ULK4: variants seen among roughly 807,000 people sequenced by gnomAD.
ULK4 encodes the protein inactive serine/threonine-protein kinase ULK4.
Under a neutral mutation model 160.6 loss-of-function variants are expected in ULK4, and 133 were observed. That is an observed-to-expected ratio of 0.83 (90% CI 0.72 to 0.96). The LOEUF is 0.96. Among genes scored for constraint, ULK4 ranks in the 40% least tolerant of loss-of-function variants. The pLI, the probability that ULK4 is intolerant of heterozygous loss-of-function variation, is 0.00. For missense variants in ULK4, 1,580 were observed against 1,499.5 expected (o/e 1.05, Z -0.89); for synonymous variants, 534 against 539.8 (o/e 0.99, Z 0.15).
rs149274905 is a variant in ULK4, at chr3:41,908,970, G to A, written c.1086-1029C>T. On this transcript the variant is annotated intron_variant, in intron 11 of 36. Transcript: ENST00000301831. ...TAGCCAGGCATGGTAGCAGGCACCTGTAATCCCAGCTACTTGGGAGGCTGA... is the reference window on the plus strand; with the variant it reads ...TAGCCAGGCATGGTAGCAGGCACCTATAATCCCAGCTACTTGGGAGGCTGA... Among the ~76,000 whole-genome samples the A allele has an allele frequency of 2.0e-5, 3 of 151,476 alleles. No homozygotes were observed. In the East Asian group the frequency reaches 5.9e-4, roughly 30 times the overall value.
intron 30 of ULK4, among the ~76,000 whole-genome samples, chr3:41,638,052 T>C (rs2034029470): frequency 6.6e-6 from 1 of 152,192 alleles, no homozygotes; most frequent in African/African-American, 2.4e-5. Flanking sequence ...ATCCCATTTG[T>C]CCATTTTTGC....
chr3:41,955,421 TGCC>T (rs147576554), intron 1 of ULK4: 3 of 152,428 alleles, frequency 2.0e-5, no homozygotes, highest in African/African-American at 7.2e-5. Flanking sequence ...CTTCAGCCGC[TGCC>T]GCCATTGGAG....
At chr3:41,304,494 T>A (rs2079865204) in intron 35 of ULK4, among the ~76,000 whole-genome samples, 1 of 152,158 alleles carries the variant, frequency 6.6e-6, no homozygotes, top group East Asian at 1.9e-4. Context: ...AAAACATTGA[T>A]AAGTGTAACA....
chr3:41,766,918 C>T (rs1239100201), intron 21 of ULK4: 1 of 152,150 alleles, frequency 6.6e-6, no homozygotes, highest in African/African-American at 2.4e-5. Context: ...GCCCTCACAT[C>T]CCTTAATGGT....
intron 31 of ULK4, among the ~76,000 whole-genome samples, chr3:41,580,763 A>G (rs1240516219): frequency 6.6e-6 from 1 of 152,216 alleles, no homozygotes; most frequent in Non-Finnish European, 1.5e-5. Context: ...AGGGCACTGC[A>G]GCCTCCAGAT....
chr3:41,599,175 A>G (rs1229567833), intron 31 of ULK4, among the ~76,000 whole-genome samples: 2 of 152,192 alleles, frequency 1.3e-5, no homozygotes, highest in East Asian at 3.8e-4. Context: ...TCTAATGTTT[A>G]GGTCAGCTGA....
intron 34 of ULK4, among the ~76,000 whole-genome samples, chr3:41,406,367 G>A (rs1488087079): frequency 1.3e-5 from 2 of 152,160 alleles, no homozygotes; most frequent in Non-Finnish European, 2.9e-5. Context: ...TTTGGTTACT[G>A]TAATGTTATA....
intron 35 of ULK4, among the ~76,000 whole-genome samples, chr3:41,319,372 T>A (rs972586142): frequency 1.3e-5 from 2 of 152,216 alleles, no homozygotes. Context: ...TCAAAAAGGC[T>A]AAAAGCACTC....
At chr3:41,533,919 T>C (rs1232685879) in intron 32 of ULK4, among the ~76,000 whole-genome samples, 1 of 152,208 alleles carries the variant, frequency 6.6e-6, no homozygotes, top group Non-Finnish European at 1.5e-5. Flanking sequence ...GCCATTCTCC[T>C]GCCTCAGCCT....
intron 22 of ULK4, among the ~76,000 whole-genome samples, chr3:41,750,083 A>C (rs1045426826): frequency 1.3e-5 from 2 of 152,214 alleles, no homozygotes; most frequent in Admixed American, 6.5e-5. Flanking sequence ...TGAGAATCTC[A>C]GCACCAGCCA....
intron 35 of ULK4, among the ~76,000 whole-genome samples, chr3:41,390,651 T>C (rs2081937426): frequency 1.3e-5 from 2 of 152,138 alleles, no homozygotes; most frequent in African/African-American, 4.8e-5. Context: ...GAGCAGGTTG[T>C]TCAGTTTCCA....
intron 30 of ULK4, among the ~76,000 whole-genome samples, chr3:41,641,530 C>A (rs1036344619): frequency 6.6e-6 from 1 of 152,044 alleles, no homozygotes; most frequent in African/African-American, 2.4e-5. Flanking sequence ...GACCCCATCA[C>A]TACAAAGAAT....
At chr3:41,635,406 AATT>A (rs1273854618) in intron 30 of ULK4, among the ~76,000 whole-genome samples, 14 of 152,174 alleles carry the variant, frequency 9.2e-5, no homozygotes, top group Admixed American at 8.5e-4. Context: ...AATTATTAAG[AATT>A]ATAATTTTAC....
At chr3:41,404,351 C>T (rs2082252158) in intron 34 of ULK4, among the ~76,000 whole-genome samples, 2 of 151,826 alleles carry the variant, frequency 1.3e-5, no homozygotes, top group Admixed American at 1.3e-4. Flanking sequence ...CTCTCTGCCT[C>T]TGGTAATTTT....
rs1185549714 is a variant in ULK4, at chr3:41,566,133, G to A, written c.3121-3C>T. The A allele has an allele frequency of 4.4e-6, 7 of 1,605,896 alleles. No individual in the cohort carries two copies. The highest frequency in any genetic ancestry group is 6.0e-6 in the Non-Finnish European group (7 of 1,175,054). Reference sequence around the variant, plus strand: ...CCCAGAATGCTCTCCTGATGTTCCTGCAATAGATCATAATTTCCATCATAA... The same window carrying A: ...CCCAGAATGCTCTCCTGATGTTCCTACAATAGATCATAATTTCCATCATAA... On this transcript the variant is annotated splice_region_variant and splice_polypyrimidine_tract_variant and intron_variant, in intron 31 of 36. Coordinates refer to ENST00000301831, the MANE Select transcript of ULK4 (RefSeq NM_017886.4).
At chr3:41,712,147 A>G (rs758041534) in intron 25 of ULK4, among the ~76,000 whole-genome samples, 2 of 152,224 alleles carry the variant, frequency 1.3e-5, no homozygotes, top group Non-Finnish European at 2.9e-5. Context: ...TAATTCTTGT[A>G]TTTATGCCTC....
At chr3:41,412,870 C>T (rs1364013291) in intron 34 of ULK4, among the ~76,000 whole-genome samples, 1 of 152,052 alleles carries the variant, frequency 6.6e-6, no homozygotes, top group Admixed American at 6.6e-5. Flanking sequence ...CAAGAGAATA[C>T]ATTTTCAAAA....
chr3:41,670,172 G>A (rs1421362299), intron 29 of ULK4, among the ~76,000 whole-genome samples: 3 of 152,150 alleles, frequency 2.0e-5, no homozygotes, highest in African/African-American at 4.8e-5. Context: ...GAGATATTCT[G>A]GGTTTAGGTA....
chr3:41,629,827 TAA>T (rs59918364), intron 30 of ULK4, among the ~76,000 whole-genome samples: 29,326 of 147,242 alleles, frequency 0.2, 3,018 homozygotes, highest in African/African-American at 0.25. Flanking sequence ...CTGGTCTCTA[TAA>T]AAAAAAAAAA....
Sources: gnomAD v4.1 joint callset for allele counts (sites outside exome capture counted in the v4.1 genomes callset) on GRCh38, gnomAD v4.1.1 for gene constraint, MANE v1.5 for transcripts, NCBI Gene and HGNC (gene_info 2026-07-23, HGNC 2026-07-21) for gene names.